The following CLSTN2 variants were observed in gnomAD, a reference collection of about 807,000 sequenced individuals.
The protein encoded by CLSTN2 is calsyntenin 2, also known as calsyntenin-2.
CLSTN2 carries 48 observed loss-of-function variants against 101.2 expected under a neutral mutation model. The observed-to-expected ratio is 0.47, with a 90% CI of 0.38 to 0.60. CLSTN2 has a LOEUF of 0.60. Among genes scored for constraint, CLSTN2 ranks in the 20% least tolerant of loss-of-function variants. The probability of loss-of-function intolerance (pLI) is 0.00; values close to 1 mark genes in which losing one functional copy is unlikely to be tolerated. For synonymous variants in CLSTN2, 481 were observed against 463.6 expected, an observed-to-expected ratio of 1.04 and a Z score of -0.48; for missense variants, 1,160 against 1,238.2, an observed-to-expected ratio of 0.94 and a Z score of 0.95.
At chr3:140,522,077 T>G (rs1935041917) in intron 8 of CLSTN2, among the ~76,000 whole-genome samples, 1 of 152,234 alleles carries the variant, frequency 6.6e-6, no homozygotes, top group Non-Finnish European at 1.5e-5. Flanking sequence ...TGTCCTGATC[T>G]GCAGGTTGCA....
chr3:140,039,061 A>T (rs2007713458), intron 1 of CLSTN2, among the ~76,000 whole-genome samples: 1 of 152,076 alleles, frequency 6.6e-6, no homozygotes, highest in Non-Finnish European at 1.5e-5. Flanking sequence ...CTCTTAAGGG[A>T]TGTCTTGGTT....
intron 1 of CLSTN2, among the ~76,000 whole-genome samples, chr3:140,123,569 T>C (rs539474062): frequency 6.6e-6 from 1 of 152,284 alleles, no homozygotes; most frequent in South Asian, 2.1e-4. Flanking sequence ...TCTCACATTC[T>C]AATGGGGTGT....
At position 140,421,134 on chromosome 3, in the gene CLSTN2, G is replaced by A; in HGVS notation, c.647G>A (p.Arg216Lys). The A allele has an allele frequency of 1.9e-6, 3 of 1,613,872 alleles. No individual in the cohort carries two copies. The highest frequency in any genetic ancestry group is 2.5e-6 in the Non-Finnish European group (3 of 1,179,936). Residue 216 changes from arginine (R) to lysine (K), a missense_variant, in exon 5 of 17, where the codon AGG becomes AAG. Physicochemically the swap from Arg to Lys is conservative, Grantham distance 26. Transcript: ENST00000458420. The part of the protein sequence containing the change: ...PFAIDRNGNI[R>K]NTEKLSYDKQ... ...CATCTCTGTTCCTCAGGCAACATCA[G>A]GAACACTGAGAAGCTGAGCTATGAC...
chr3:140,096,332 G>T (rs2008868780), intron 1 of CLSTN2, among the ~76,000 whole-genome samples: 1 of 152,164 alleles, frequency 6.6e-6, no homozygotes, highest in Admixed American at 6.5e-5. Flanking sequence ...CCCAGCTTTT[G>T]CAGTGGAAGG....
intron 2 of CLSTN2, among the ~76,000 whole-genome samples, chr3:140,368,633 T>C (rs1458386706): frequency 3.3e-5 from 5 of 152,138 alleles, no homozygotes; most frequent in Non-Finnish European, 5.9e-5. Context: ...TCCTTCCTGC[T>C]TCCTCCTAGG....
intron 4 of CLSTN2, among the ~76,000 whole-genome samples, chr3:140,410,701 T>G (rs2088354733): frequency 6.6e-6 from 1 of 152,176 alleles, no homozygotes; most frequent in Non-Finnish European, 1.5e-5. Flanking sequence ...TCACTTATAA[T>G]TCTAAAGGCT....
At position 140,283,766 on chromosome 3, in the gene CLSTN2, C is replaced by G. The variant is rs190936885; in HGVS notation, c.232+107693C>G. Among the ~76,000 whole-genome samples, 39 of 152,278 alleles carry G rather than the reference C, an allele frequency of 2.6e-4. 1 individual carries two copies. Among genetic ancestry groups the G allele is most frequent in the Admixed American group, 2.4e-3 (37 of 15,292 alleles). ...ATTTGTTTTTCCAATTTATTTAATG[C>G]ACTCTTTTTTCCCCTTCTCTCATTA... On this transcript the variant is annotated intron_variant, in intron 2 of 16. Transcript: ENST00000458420.
At chr3:140,213,961 A>T (rs1405673718) in intron 2 of CLSTN2, among the ~76,000 whole-genome samples, 1 of 152,148 alleles carries the variant, frequency 6.6e-6, no homozygotes, top group Non-Finnish European at 1.5e-5. Context: ...TTGAACACTT[A>T]GGTTTAATTT....
chr3:139,976,273 TC>T (rs1032031598), intron 1 of CLSTN2, among the ~76,000 whole-genome samples: 9 of 152,150 alleles, frequency 5.9e-5, no homozygotes, highest in Non-Finnish European at 1.3e-4. Flanking sequence ...TTTCTCTGGG[TC>T]CATCCAGGAA....
At position 140,556,632 on chromosome 3, in the gene CLSTN2, G is replaced by T; in HGVS notation, c.1794G>T (p.Val598=). Residue 598 remains valine (V), a synonymous_variant, in exon 11 of 17, where the codon GTG becomes GTT. Transcript: ENST00000458420. ...INSRQFPTAG[V]RRLKVSSKVQ... is the part of the protein sequence containing the mutation. The stretch of plus-strand genomic sequence containing the variant: ...CCAGGCAGTTCCCAACGGCGGGTGT[G>T]CGGCGCCTCAAAGTATCCTCCAAAG... 3 of 1,614,012 alleles carry T rather than the reference G, an allele frequency of 1.9e-6. No individual in the cohort carries two copies. The highest frequency in any genetic ancestry group is 1.7e-6 in the Non-Finnish European group (2 of 1,179,954).
chr3:139,951,577 G>A (rs1397546038), intron 1 of CLSTN2, among the ~76,000 whole-genome samples: 1 of 152,188 alleles, frequency 6.6e-6, no homozygotes, highest in Admixed American at 6.5e-5. Flanking sequence ...GCACTGTTAG[G>A]GGGTGTGCGG....
intron 2 of CLSTN2, among the ~76,000 whole-genome samples, chr3:140,389,834 G>C (rs2088093304): frequency 6.6e-6 from 1 of 152,146 alleles, no homozygotes; most frequent in African/African-American, 2.4e-5. Flanking sequence ...ACTTGCATGA[G>C]ATGGTATCAC....
intron 1 of CLSTN2, among the ~76,000 whole-genome samples, chr3:140,175,422 TATAC>T (rs1013122414): frequency 6.6e-6 from 1 of 152,176 alleles, no homozygotes; most frequent in Non-Finnish European, 1.5e-5. Context: ...TAATGATATT[TATAC>T]ATATGTGTGT....
chr3:139,939,265 T>G (rs1262576945), intron 1 of CLSTN2, among the ~76,000 whole-genome samples: 2 of 152,224 alleles, frequency 1.3e-5, no homozygotes, highest in African/African-American at 4.8e-5. Flanking sequence ...TCCCATTACA[T>G]GGGCAATCTC....
intron 2 of CLSTN2, among the ~76,000 whole-genome samples, chr3:140,286,774 A>T (rs2086899373): frequency 6.6e-6 from 1 of 152,232 alleles, no homozygotes; most frequent in South Asian, 2.1e-4. Context: ...TTCTGGGAAG[A>T]TAGCCCTGGA....
intron 8 of CLSTN2, among the ~76,000 whole-genome samples, chr3:140,522,957 T>C (rs1357660187): frequency 6.6e-6 from 1 of 152,240 alleles, no homozygotes; most frequent in African/African-American, 2.4e-5. Context: ...TCTGAGCTTA[T>C]CTCTAGTAGT....
chr3:140,473,785 T>G (rs1261816552), intron 8 of CLSTN2, among the ~76,000 whole-genome samples: 1 of 151,758 alleles, frequency 6.6e-6, no homozygotes, highest in Non-Finnish European at 1.5e-5. Flanking sequence ...TGAGACAGAG[T>G]CTTGCTTTGT....
chr3:140,537,977 C>A (rs1175281102), intron 9 of CLSTN2, among the ~76,000 whole-genome samples: 6 of 152,184 alleles, frequency 3.9e-5, no homozygotes, highest in Admixed American at 3.9e-4. Flanking sequence ...CAGGGCATCT[C>A]TCCCCGTGCC....
At chr3:140,106,937 T>C (rs1230780970) in intron 1 of CLSTN2, among the ~76,000 whole-genome samples, 1 of 152,224 alleles carries the variant, frequency 6.6e-6, no homozygotes, top group Non-Finnish European at 1.5e-5. Context: ...CGGGGGGATA[T>C]CTGAGTAGGA....
Sources: gnomAD v4.1 joint callset for allele counts (sites outside exome capture counted in the v4.1 genomes callset) on GRCh38, gnomAD v4.1.1 for gene constraint, MANE v1.5 for transcripts, NCBI Gene and HGNC (gene_info 2026-07-23, HGNC 2026-07-21) for gene names.